Variants in PAPOLG observed in about 807,000 individuals in gnomAD.
The protein encoded by PAPOLG is PAP-gamma.
In PAPOLG, 40 loss-of-function variants were observed where a neutral mutation model predicts 99.0. The ratio of observed to expected loss-of-function variants is 0.40; its 90% CI spans 0.31 to 0.53. PAPOLG has a LOEUF of 0.53. Among genes scored for constraint, PAPOLG ranks in the 20% least tolerant of loss-of-function variants. PAPOLG has a pLI of 0.41. For missense variants in PAPOLG, 675 were observed against 884.1 expected, an observed-to-expected ratio of 0.76 and a Z score of 3.00; for synonymous variants, 310 against 299.3, an observed-to-expected ratio of 1.04 and a Z score of -0.37.
intron 16 of PAPOLG, 114 bp downstream of exon 16, chr2:60,791,996 A>G (rs1423623481): frequency 4.1e-6 from 6 of 1,452,044 alleles, no homozygotes. Context: ...AGATATAGGC[A>G]GTTCAATCTA....
At chr2:60,760,397 A>G (rs1437200733) in intron 2 of PAPOLG, 102 bp downstream of exon 2, 1 of 1,155,606 alleles carries the variant, frequency 8.7e-7, no homozygotes, top group East Asian at 2.5e-5. Context: ...CAGGTGCAGA[A>G]ATGACAAAAA....
intron 15 of PAPOLG, among the ~76,000 whole-genome samples, chr2:60,790,604 G>A (rs1321500594): frequency 2.6e-5 from 4 of 152,168 alleles, no homozygotes; most frequent in African/African-American, 4.8e-5. Flanking sequence ...GGAATCTAGG[G>A]CTGTGTGGAT....
At chr2:60,776,729 G>C (rs1671033455) in intron 8 of PAPOLG, among the ~76,000 whole-genome samples, 1 of 151,966 alleles carries the variant, frequency 6.6e-6, no homozygotes, top group Non-Finnish European at 1.5e-5. Context: ...TGCCCGGCCA[G>C]CTTCAATTTA....
intron 21 of PAPOLG, chr2:60,795,232 T>G (rs1162214025): frequency 3.0e-6 from 2 of 656,178 alleles, no homozygotes; most frequent in South Asian, 1.6e-5. Context: ...GGCAGTAGTT[T>G]AAGACAACTT....
chr2:60,796,686 C>T (rs1240988594), intron 21 of PAPOLG, among the ~76,000 whole-genome samples: 1 of 151,916 alleles, frequency 6.6e-6, no homozygotes, highest in African/African-American at 2.4e-5. Flanking sequence ...TCACTTCACA[C>T]CCCAAGAGCT....
intron 3 of PAPOLG, among the ~76,000 whole-genome samples, chr2:60,764,668 C>T (rs569023486): frequency 2.0e-5 from 3 of 152,232 alleles, no homozygotes; most frequent in African/African-American, 7.2e-5. Context: ...TCAAGCAATC[C>T]AACTGCCTTG....
intron 13 of PAPOLG, among the ~76,000 whole-genome samples, chr2:60,784,887 G>A (rs764592257): frequency 6.6e-6 from 1 of 152,174 alleles, no homozygotes; most frequent in Non-Finnish European, 1.5e-5. Flanking sequence ...CCGTCATTTA[G>A]ATGACACTGG....
intron 1 of PAPOLG, among the ~76,000 whole-genome samples, chr2:60,757,115 C>G (rs769434390): frequency 6.6e-6 from 1 of 152,150 alleles, no homozygotes; most frequent in Non-Finnish European, 1.5e-5. Flanking sequence ...CCATTTTGGT[C>G]TATTAGGAAA....
rs1671778242 is a variant in PAPOLG at position 60,798,479 on chromosome 2, C to A, written c.*1319C>A. 6.5e-6 allele frequency: 1 copy of A among 152,702 alleles called. No homozygotes were observed. The highest frequency in any genetic ancestry group is 1.5e-5 in the Non-Finnish European group (1 of 68,034). The allele number at this position is 152,702 out of a possible 1,614,324, so 9.5% of individuals were successfully genotyped here. On this transcript the variant is annotated 3_prime_UTR_variant, in exon 22 of 22. Coordinates refer to ENST00000238714, the MANE Select transcript of PAPOLG (RefSeq NM_022894.4). ...AACGTTTAAAACCTTTATTGTCTCT[C>A]CTTAGTCTAATTTTTTAAATATGGA...
intron 3 of PAPOLG, among the ~76,000 whole-genome samples, chr2:60,764,497 A>T (rs956415119): frequency 6.6e-6 from 1 of 151,166 alleles, no homozygotes; most frequent in African/African-American, 2.4e-5. Context: ...GCTCACTGCA[A>T]CCTCCGCCTC....
chr2:60,768,542 C>T lies in PAPOLG; in HGVS notation c.319C>T (p.His107Tyr). The T allele has an allele frequency of 6.2e-7, 1 of 1,603,434 alleles. No individual in the cohort carries two copies. The highest frequency in any genetic ancestry group is 1.1e-5 in the South Asian group (1 of 90,798). ...ATTTGGATCCTATAGGCTTGGAGTA[C>T]ACACCAAAGGTAACTGCTTTTCTGT... ...FTFGSYRLGV[H>Y]TKGADIDALC... The change falls in exon 4 of 22, where the codon CAC becomes TAC. Residue 107 changes from histidine (H) to tyrosine (Y), a missense_variant. By Grantham distance (83) the His-to-Tyr change is moderately conservative. Coordinates refer to ENST00000238714, the MANE Select transcript of PAPOLG (RefSeq NM_022894.4).
At position 60,797,120 on chromosome 2, in the gene PAPOLG, G is replaced by A. The variant is rs370675046; in HGVS notation, c.2171G>A (p.Arg724His). 1.5e-5 allele frequency: 24 copies of A among 1,613,820 alleles called. No homozygotes were observed. Among genetic ancestry groups the A allele is most frequent in the African/African-American group, 9.4e-5 (7 of 74,860 alleles). ...SSSPVPANNI[R>H]VIKNSIRLTL... Reference sequence around the variant, plus strand: ...TCTCCAGTTCCAGCAAACAACATCCGTGTCATCAAAAATTCCATTCGACTG... The same window carrying A: ...TCTCCAGTTCCAGCAAACAACATCCATGTCATCAAAAATTCCATTCGACTG... Residue 724 changes from arginine (R) to histidine (H), a missense_variant, in exon 22 of 22, where the codon CGT (arginine) becomes CAT (histidine). Arg to His is a conservative substitution (Grantham distance 29, BLOSUM62 0). This residue lies in a region of PAPOLG where 413 missense variants were observed against 460.5 expected (regional missense o/e 0.90). Transcript: ENST00000238714.
intron 17 of PAPOLG, among the ~76,000 whole-genome samples, chr2:60,792,827 G>A (rs1332413595): frequency 3.3e-5 from 5 of 152,210 alleles, no homozygotes; most frequent in Non-Finnish European, 7.3e-5. Flanking sequence ...CCTGAGGTCA[G>A]GAGTTCGAGA....
chr2:60,765,708 A>G (rs1320681734), intron 3 of PAPOLG, among the ~76,000 whole-genome samples: 1 of 152,214 alleles, frequency 6.6e-6, no homozygotes, highest in Non-Finnish European at 1.5e-5. Context: ...GATTTAGCAT[A>G]TCACTTTCTC....
At position 60,771,591 on chromosome 2, in the gene PAPOLG, C is replaced by G; in HGVS notation, c.565C>G (p.Leu189Val). Reference sequence around the variant, plus strand: ...TTTAGATCTAAGAGACGACTCTCGCCTGAGAAGCCTTGATATAAGGTGTAT... The same window carrying G: ...TTTAGATCTAAGAGACGACTCTCGCGTGAGAAGCCTTGATATAAGGTGTAT... Reference protein sequence around the residue: ...DNLDLRDDSRLRSLDIRCIRS... With the variant: ...DNLDLRDDSRVRSLDIRCIRS... The change falls in exon 7 of 22, where the codon CTG becomes GTG. Residue 189 changes from leucine to valine, a missense_variant. By Grantham distance (32) the Leu-to-Val change is conservative. Transcript: ENST00000238714. 1.2e-6 allele frequency: 2 copies of G among 1,608,594 alleles called. No homozygotes were observed. The highest frequency in any genetic ancestry group is 1.7e-6 in the Non-Finnish European group (2 of 1,178,678).
rs191114348 is a variant in PAPOLG at position 60,780,131 on chromosome 2, C to T, written c.833+356C>T. 2.0e-5 allele frequency among the ~76,000 whole-genome samples: 3 copies of T among 152,228 alleles called. No individual in the cohort carries two copies. In the East Asian group the frequency reaches 5.8e-4, roughly 29 times the overall value. On this transcript the variant is annotated intron_variant, in intron 9 of 21. Coordinates refer to ENST00000238714, the MANE Select transcript of PAPOLG (RefSeq NM_022894.4). ...TTGGCTGTTGCTGTTACTAAATTATCGGAATTAAATCCATGAAAGCAAATG... is the reference window on the plus strand; with the variant it reads ...TTGGCTGTTGCTGTTACTAAATTATTGGAATTAAATCCATGAAAGCAAATG...
intron 8 of PAPOLG, among the ~76,000 whole-genome samples, chr2:60,779,120 A>T (rs186458508): frequency 1.3e-5 from 2 of 152,092 alleles, no homozygotes; most frequent in African/African-American, 4.8e-5. Context: ...GAAATGAATG[A>T]TATCAGTGGT....
chr2:60,794,246 C>A, intron 19 of PAPOLG, 55 bp downstream of exon 19: 1 of 1,494,134 alleles, frequency 6.7e-7, no homozygotes, highest in Non-Finnish European at 9.0e-7. Flanking sequence ...ATAGTTAATA[C>A]TAAAGAAACA....
chr2:60,781,695 C>T (rs954379387), intron 10 of PAPOLG, among the ~76,000 whole-genome samples, 190 bp from the exon 11 acceptor site: 2 of 152,142 alleles, frequency 1.3e-5, no homozygotes, highest in African/African-American at 4.8e-5. Context: ...TGCAGTATTT[C>T]CTTTGACTTT....
Sources: gnomAD v4.1 joint callset for allele counts (sites outside exome capture counted in the v4.1 genomes callset) on GRCh38, gnomAD v4.1.1 for gene constraint, gnomAD v4.1.1 regional missense constraint, MANE v1.5 for transcripts, NCBI Gene and HGNC (gene_info 2026-07-23, HGNC 2026-07-21) for gene names.